The following ASIC2 variants were observed in gnomAD, a reference collection of about 807,000 sequenced individuals.
ASIC2 encodes acid sensing ion channel subunit 2, also known as acid-sensing ion channel 2.
In ASIC2, 25 loss-of-function variants were observed where a neutral mutation model predicts 57.3. That is an observed-to-expected ratio of 0.44 (90% CI 0.32 to 0.61). The LOEUF (loss-of-function observed/expected upper bound fraction) is 0.61, where lower values mean the gene tolerates loss of function less well. ASIC2 is among the 20% of genes least tolerant of loss of function. The probability of loss-of-function intolerance (pLI) is 0.06; values close to 1 mark genes in which losing one functional copy is unlikely to be tolerated. For missense variants in ASIC2, 641 were observed against 738.1 expected (o/e 0.87, Z 1.52); for synonymous variants, 319 against 307.5 (o/e 1.04, Z -0.39).
intron 1 of ASIC2, among the ~76,000 whole-genome samples, chr17:33,217,491 C>T (rs1039393948): frequency 6.6e-6 from 1 of 152,206 alleles, no homozygotes; most frequent in Non-Finnish European, 1.5e-5. Context: ...TATGGCTGAG[C>T]GAGCCCGGAG....
intron 6 of ASIC2, 46 bp downstream of exon 6, chr17:33,023,815 T>C (rs1311089131): frequency 1.2e-6 from 2 of 1,610,444 alleles, no homozygotes; most frequent in Non-Finnish European, 8.5e-7. Context: ...ATTTCCTCCT[T>C]ATCCAGTTCC....
At chr17:33,874,997 G>A (rs1479687027) in intron 1 of ASIC2, among the ~76,000 whole-genome samples, 1 of 152,152 alleles carries the variant, frequency 6.6e-6, no homozygotes, top group African/African-American at 2.4e-5. Flanking sequence ...AAGCTCCAAG[G>A]CAGCTAGTTT....
chr17:33,331,038 G>A (rs1344021947), intron 1 of ASIC2, among the ~76,000 whole-genome samples: 4 of 152,024 alleles, frequency 2.6e-5, no homozygotes, highest in East Asian at 3.9e-4. Context: ...GGTGAGTGGC[G>A]GGCAAGTGAA....
chr17:34,035,544 A>G (rs1210090964), intron 1 of ASIC2, among the ~76,000 whole-genome samples: 2 of 151,808 alleles, frequency 1.3e-5, no homozygotes, highest in Non-Finnish European at 2.9e-5. Flanking sequence ...GATCTAATTA[A>G]ACTAAAGAGC....
At chr17:33,247,556 G>C in intron 1 of ASIC2, among the ~76,000 whole-genome samples, 1 of 152,174 alleles carries the variant, frequency 6.6e-6, no homozygotes, top group South Asian at 2.1e-4. Flanking sequence ...CGTTTCCAGG[G>C]AACAGAGACA....
intron 1 of ASIC2, among the ~76,000 whole-genome samples, chr17:33,740,088 G>A (rs1301544040): frequency 6.6e-6 from 1 of 152,198 alleles, no homozygotes; most frequent in Non-Finnish European, 1.5e-5. Context: ...GCAGAAAGGA[G>A]AGCCAGGGTT....
intron 1 of ASIC2, among the ~76,000 whole-genome samples, chr17:33,786,103 C>T (rs951479274): frequency 1.3e-5 from 2 of 152,150 alleles, no homozygotes; most frequent in African/African-American, 4.8e-5. Context: ...AGCCTTTCAG[C>T]TTTCTCATCT....
At position 33,929,864 on chromosome 17, in the gene ASIC2, A is replaced by G. The variant is rs77069197; in HGVS notation, c.555+226114T>C. ...GAAAATATACGATAAAAGGCTTCAC[A>G]ATATCAGAATTGAAAAGGTGTGGTT... On this transcript the variant is annotated intron_variant, in intron 1 of 9. Transcript: ENST00000359872. Among the ~76,000 whole-genome samples the G allele has an allele frequency of 3.6e-3, 543 of 152,352 alleles. 4 individuals carry two copies. The highest frequency in any genetic ancestry group is 0.013 in the African/African-American group (525 of 41,570).
intron 1 of ASIC2, among the ~76,000 whole-genome samples, chr17:33,664,827 C>T (rs998649349): frequency 2.6e-5 from 4 of 152,234 alleles, no homozygotes; most frequent in African/African-American, 2.4e-5. Context: ...AAAAGATTCC[C>T]GCAAGAAACC....
chr17:33,213,180 G>C (rs1008457258), intron 1 of ASIC2, among the ~76,000 whole-genome samples: 2 of 152,204 alleles, frequency 1.3e-5, no homozygotes, highest in Non-Finnish European at 2.9e-5. Context: ...AATCCCACAG[G>C]GGGAAGCTCC....
intron 1 of ASIC2, among the ~76,000 whole-genome samples, chr17:33,316,887 G>A (rs907188016): frequency 5.3e-5 from 8 of 152,184 alleles, no homozygotes; most frequent in Non-Finnish European, 1.5e-5. Context: ...TTCATTTTGT[G>A]TGCACTTAAT....
chr17:33,144,349 A>C (rs1352311398), intron 1 of ASIC2, among the ~76,000 whole-genome samples: 1 of 151,888 alleles, frequency 6.6e-6, no homozygotes, highest in Admixed American at 6.6e-5. Context: ...AGAAAGAGAG[A>C]GAGCGGGTGG....
intron 2 of ASIC2, among the ~76,000 whole-genome samples, chr17:33,099,150 G>T (rs924604377): frequency 6.6e-6 from 1 of 151,732 alleles, no homozygotes. Flanking sequence ...GCACCACCAT[G>T]CCCGGCTAGG....
intron 1 of ASIC2, among the ~76,000 whole-genome samples, chr17:33,558,186 T>A (rs915964865): frequency 6.7e-6 from 1 of 149,844 alleles, no homozygotes; most frequent in African/African-American, 2.4e-5. Flanking sequence ...GACAAAGAGA[T>A]AAAAGAAAAG....
intron 1 of ASIC2, among the ~76,000 whole-genome samples, chr17:33,595,877 G>A (rs1020323644): frequency 2.0e-5 from 3 of 152,230 alleles, no homozygotes; most frequent in East Asian, 1.9e-4. Flanking sequence ...GGCCTCAGCT[G>A]TGTCTTGCCT....
At chr17:33,034,052 A>G (rs1281221544) in intron 3 of ASIC2, among the ~76,000 whole-genome samples, 1 of 152,100 alleles carries the variant, frequency 6.6e-6, no homozygotes, top group East Asian at 1.9e-4. Flanking sequence ...CTGCCAGCAG[A>G]GAGGAGCTAC....
rs112522599 is a variant in ASIC2, at chr17:33,073,653, C to T, written c.987+15210G>A. On this transcript the variant is annotated intron_variant, in intron 3 of 9. Coordinates refer to ENST00000225823, the MANE Select transcript of ASIC2 (RefSeq NM_183377.2). Reference sequence around the variant, plus strand: ...ATAATGGCAGCTCCACTCAGTGAACCGTGATGGAATGCTAAGACTCATTTA... The same window carrying T: ...ATAATGGCAGCTCCACTCAGTGAACTGTGATGGAATGCTAAGACTCATTTA... Among the ~76,000 whole-genome samples, 362 of 152,206 alleles carry T rather than the reference C, an allele frequency of 2.4e-3. 2 individuals carry two copies. Among genetic ancestry groups the T allele is most frequent in the African/African-American group, 8.3e-3 (345 of 41,536 alleles).
At chr17:33,816,844 CT>C (rs1451937360) in intron 1 of ASIC2, 2 of 152,234 alleles carry the variant, frequency 1.3e-5, no homozygotes, top group African/African-American at 4.8e-5. Context: ...CCCAAATCTG[CT>C]GAATCTTCAT....
At chr17:33,528,679 C>T (rs1483142638) in intron 1 of ASIC2, among the ~76,000 whole-genome samples, 3 of 152,176 alleles carry the variant, frequency 2.0e-5, no homozygotes, top group East Asian at 1.9e-4. Flanking sequence ...CAAGGCAAGG[C>T]TAGCCGTGCT....
Sources: gnomAD v4.1 joint callset for allele counts (sites outside exome capture counted in the v4.1 genomes callset) on GRCh38, gnomAD v4.1.1 for gene constraint, MANE v1.5 for transcripts, NCBI Gene and HGNC (gene_info 2026-07-23, HGNC 2026-07-21) for gene names.